GPR21: variants seen among roughly 807,000 people sequenced by gnomAD.
The protein encoded by GPR21 is G protein-coupled receptor 21.
GPR21 carries 9 observed loss-of-function variants against 21.5 expected under a neutral mutation model. The ratio of observed to expected loss-of-function variants is 0.42; its 90% CI spans 0.25 to 0.73. The LOEUF (loss-of-function observed/expected upper bound fraction) is 0.73, where lower values mean the gene tolerates loss of function less well. GPR21 is among the 30% of genes least tolerant of loss of function. The pLI is 0.27. For missense variants in GPR21, 416 were observed against 428.9 expected, an observed-to-expected ratio of 0.97 and a Z score of 0.27; for synonymous variants, 169 against 159.3, an observed-to-expected ratio of 1.06 and a Z score of -0.46.
downstream of GPR21, among the ~76,000 whole-genome samples, chr9:123,036,466 G>GT (rs2032667147): frequency 6.6e-6 from 1 of 152,188 alleles, no homozygotes. Flanking sequence ...GTGATAGGCT[G>GT]TTGGCTGTCC....
At chr9:123,041,091 A>G in the GPR21 span, among the ~76,000 whole-genome samples, 1 of 152,340 alleles carries the variant, frequency 6.6e-6, no homozygotes, top group South Asian at 2.1e-4. Context: ...TCTAAGGGTA[A>G]GAAGTATGAG....
Position 123,034,613 on chromosome 9 carries a change from T to A in GPR21, c.47T>A (p.Leu16His), listed in dbSNP as rs568225141. 2 of 1,613,512 alleles carry A rather than the reference T, an allele frequency of 1.2e-6. No homozygotes were observed. Among genetic ancestry groups the A allele is most frequent in the South Asian group, 2.2e-5 (2 of 90,992 alleles). ...AATCAGAGCAGCCACCCTTTTTGCCTCTTGGCATTTGGCTATTTGGAAACT... is the reference window on the plus strand; with the variant it reads ...AATCAGAGCAGCCACCCTTTTTGCCACTTGGCATTTGGCTATTTGGAAACT... ...DGNQSSHPFC[L>H]LAFGYLETVN... is the part of the protein sequence containing the mutation. Residue 16 changes from leucine (L) to histidine (H), a missense_variant, in exon 2 of 2, where the codon CTC (leucine) becomes CAC (histidine). Leu to His is a moderately conservative substitution (Grantham distance 99). Coordinates refer to ENST00000616002, the MANE Select transcript of GPR21 (RefSeq NM_005294.3).
At chr9:123,045,110 G>A in the GPR21 span, among the ~76,000 whole-genome samples, 6 of 152,160 alleles carry the variant, frequency 3.9e-5, no homozygotes, top group African/African-American at 1.4e-4. Flanking sequence ...AAATATAAAA[G>A]TAATCATATT....
the GPR21 span, among the ~76,000 whole-genome samples, chr9:123,047,203 C>G: frequency 6.6e-6 from 1 of 152,176 alleles, no homozygotes; most frequent in African/African-American, 2.4e-5. Flanking sequence ...TCTTTCAGTA[C>G]TAATCAAAAT....
chr9:123,033,768 AGTAAATTCT>A (rs1161142668), intron 1 of GPR21, 26 bp downstream of exon 1: 1 of 152,276 alleles, frequency 6.6e-6, no homozygotes, highest in Non-Finnish European at 1.5e-5. Flanking sequence ...TGAACTAAAC[AGTAAATTCT>A]GTTGAAATGT....
the GPR21 span, among the ~76,000 whole-genome samples, chr9:123,042,481 A>T: frequency 6.6e-6 from 1 of 152,240 alleles, no homozygotes; most frequent in Non-Finnish European, 1.5e-5. Flanking sequence ...TGTAACTAAC[A>T]TTCTCAGAGA....
chr9:123,045,426 A>G, the GPR21 span, among the ~76,000 whole-genome samples: 1 of 152,184 alleles, frequency 6.6e-6, no homozygotes, highest in East Asian at 1.9e-4. Context: ...CGTGGTATGT[A>G]TTCGTAGGAA....
chr9:123,033,919 A>C (rs1029939371), intron 1 of GPR21, among the ~76,000 whole-genome samples, 177 bp downstream of exon 1: 5 of 152,194 alleles, frequency 3.3e-5, no homozygotes, highest in African/African-American at 9.7e-5. Context: ...CCCCGTCTCA[A>C]ATGAAAGGAA....
At position 123,035,100 on chromosome 9, in the gene GPR21, T is replaced by C; in HGVS notation, c.534T>C (p.Phe178=). The change falls in exon 2 of 2, where the codon TTT becomes TTC. Residue 178 remains phenylalanine (F), a synonymous_variant. Transcript: ENST00000616002. The stretch of plus-strand genomic sequence containing the variant: ...AACCTGGATATCATGGAGATGTGTT[T>C]CAGTGGTGTGCGGAGTCCTGGCACA... The part of the protein sequence containing the change: ...WGKPGYHGDV[F]QWCAESWHTD... 1 of 1,614,182 alleles carries C rather than the reference T, an allele frequency of 6.2e-7. No homozygotes were observed. Among genetic ancestry groups the C allele is most frequent in the East Asian group, 2.2e-5 (1 of 44,882 alleles).
downstream of GPR21, among the ~76,000 whole-genome samples, chr9:123,038,595 A>T (rs1228738103): frequency 6.6e-6 from 1 of 152,160 alleles, no homozygotes; most frequent in African/African-American, 2.4e-5. Flanking sequence ...GCAAGCCAAA[A>T]TGTATTGTTA....
the GPR21 span, among the ~76,000 whole-genome samples, chr9:123,043,758 A>G: frequency 6.6e-6 from 1 of 152,178 alleles, no homozygotes; most frequent in Non-Finnish European, 1.5e-5. Context: ...TTTATTCAGA[A>G]GTATGAATTA....
chr9:123,034,279 G>C lies in GPR21; in HGVS notation c.-288G>C, dbSNP rs2032481798. 4.5e-6 allele frequency: 2 copies of C among 449,344 alleles called. No homozygotes were observed. Among genetic ancestry groups the C allele is most frequent in the Non-Finnish European group, 7.8e-6 (2 of 256,592 alleles). 27.8% of individuals were successfully genotyped at this position (449,344 alleles called of 1,614,324 possible). A position where few individuals can be genotyped will look rare whatever the true frequency, so the allele number is the denominator to read the frequency against. ...TTGGCCTGAAGACGTTCTCCCCAGAGTTTACCTTGCTCCCCTGGTGCTATG... is the reference window on the plus strand; with the variant it reads ...TTGGCCTGAAGACGTTCTCCCCAGACTTTACCTTGCTCCCCTGGTGCTATG... On this transcript the variant is annotated 5_prime_UTR_variant, in exon 2 of 2. Transcript: ENST00000616002.
the GPR21 span, among the ~76,000 whole-genome samples, chr9:123,046,017 G>A: frequency 6.6e-6 from 1 of 152,196 alleles, no homozygotes; most frequent in African/African-American, 2.4e-5. Flanking sequence ...AAGGCCTTGG[G>A]TGAATGTGGA....
At chr9:123,047,534 T>C in the GPR21 span, among the ~76,000 whole-genome samples, 1 of 152,168 alleles carries the variant, frequency 6.6e-6, no homozygotes, top group Non-Finnish European at 1.5e-5. Flanking sequence ...TTTTAGTTAA[T>C]AGAAAAAGAT....
At chr9:123,037,925 C>G (rs962029772), downstream of GPR21, among the ~76,000 whole-genome samples, 3 of 152,094 alleles carry the variant, frequency 2.0e-5, no homozygotes, top group African/African-American at 7.2e-5. Flanking sequence ...TTTTTAGATT[C>G]AGTTACCATG....
chr9:123,036,818 T>G (rs1015464600), downstream of GPR21, among the ~76,000 whole-genome samples: 7 of 147,382 alleles, frequency 4.7e-5, no homozygotes, highest in African/African-American at 1.8e-4. Context: ...TTAATGGTCT[T>G]TTTTTTTTTT....
At position 123,034,772 on chromosome 9, in the gene GPR21, A is replaced by G. The variant is rs769762078; in HGVS notation, c.206A>G (p.Gln69Arg). The G allele has an allele frequency of 1.9e-6, 3 of 1,613,840 alleles. No individual in the cohort carries two copies. Among genetic ancestry groups the G allele is most frequent in the South Asian group, 1.1e-5 (1 of 91,074 alleles). ...LNHHTTSYFIQTMAYADLFVG... is the reference protein window; with the variant it reads ...LNHHTTSYFIRTMAYADLFVG... ...CATCACACTACAAGTTATTTTATCC[A>G]GACTATGGCATATGCTGACCTTTTT... The change falls in exon 2 of 2, where the codon CAG becomes CGG. Residue 69 changes from glutamine to arginine, a missense_variant. By Grantham distance (43) the Gln-to-Arg change is conservative. Coordinates refer to ENST00000616002, the MANE Select transcript of GPR21 (RefSeq NM_005294.3).
downstream of GPR21, among the ~76,000 whole-genome samples, chr9:123,036,320 A>G (rs1217672575): frequency 6.6e-6 from 1 of 152,248 alleles, no homozygotes; most frequent in Admixed American, 6.5e-5. Flanking sequence ...CTTCACAGAG[A>G]TCTAAAGATA....
At chr9:123,048,924 T>C in the GPR21 span, among the ~76,000 whole-genome samples, 1,578 of 152,336 alleles carry the variant, frequency 0.01, 5 homozygotes, top group Non-Finnish European at 0.015. Context: ...TTGCCAAACA[T>C]TGAATAATTT....
Sources: gnomAD v4.1 joint callset for allele counts (sites outside exome capture counted in the v4.1 genomes callset) on GRCh38, gnomAD v4.1.1 for gene constraint, MANE v1.5 for transcripts, NCBI Gene and HGNC (gene_info 2026-07-23, HGNC 2026-07-21) for gene names.